The following FHIP1A variants were observed in gnomAD, a reference collection of about 807,000 sequenced individuals.
FHIP1A encodes FHF complex subunit HOOK-interacting protein 1A.
In FHIP1A, 61 loss-of-function variants were observed where a neutral mutation model predicts 88.6. The observed-to-expected ratio is 0.69, with a 90% CI of 0.56 to 0.85. FHIP1A has a LOEUF of 0.85. Among genes scored for constraint, FHIP1A ranks in the 40% least tolerant of loss-of-function variants. The pLI, the probability that FHIP1A is intolerant of heterozygous loss-of-function variation, is 0.00. For missense variants in FHIP1A, 1,154 were observed against 1,273.5 expected (o/e 0.91, Z 1.43); for synonymous variants, 478 against 496.0 (o/e 0.96, Z 0.48).
chr4:151,482,463 A>G (rs932400020), intron 2 of FHIP1A, 61 bp from the exon 3 acceptor site: 8 of 152,204 alleles, frequency 5.3e-5, no homozygotes, highest in African/African-American at 1.9e-4. Flanking sequence ...CGGAGAAAAA[A>G]TAGAGATACT....
chr4:151,600,081 G>T (rs1222687782), intron 7 of FHIP1A, among the ~76,000 whole-genome samples: 1 of 152,178 alleles, frequency 6.6e-6, no homozygotes, highest in East Asian at 1.9e-4. Flanking sequence ...TCTTTGCATT[G>T]TATCATCACT....
chr4:151,430,367 G>T (rs1323824587), intron 1 of FHIP1A, among the ~76,000 whole-genome samples: 1 of 152,328 alleles, frequency 6.6e-6, no homozygotes, highest in East Asian at 1.9e-4. Flanking sequence ...AACAGTCCCT[G>T]TTAGTGTGAA....
intron 3 of FHIP1A, among the ~76,000 whole-genome samples, chr4:151,535,545 A>G (rs945591972): frequency 6.6e-6 from 1 of 152,194 alleles, no homozygotes; most frequent in Non-Finnish European, 1.5e-5. Flanking sequence ...GTGTATATCT[A>G]TGTGCATATG....
chr4:151,446,111 G>A (rs1728591212), intron 1 of FHIP1A, among the ~76,000 whole-genome samples: 1 of 151,866 alleles, frequency 6.6e-6, no homozygotes, highest in African/African-American at 2.4e-5. Context: ...CCAGGATACA[G>A]TATATCAGTG....
intron 1 of FHIP1A, among the ~76,000 whole-genome samples, chr4:151,422,839 G>T (rs1008360653): frequency 2.0e-5 from 3 of 152,210 alleles, no homozygotes; most frequent in Non-Finnish European, 4.4e-5. Context: ...TGAGAAGGCT[G>T]ATCTGAATGA....
intron 7 of FHIP1A, among the ~76,000 whole-genome samples, chr4:151,605,190 C>G (rs1181913004): frequency 6.6e-6 from 1 of 152,160 alleles, no homozygotes. Context: ...GCACCTCAGG[C>G]TCAGTCATAT....
intron 9 of FHIP1A, among the ~76,000 whole-genome samples, chr4:151,643,784 C>T (rs1239472246): frequency 2.0e-5 from 3 of 152,168 alleles, no homozygotes; most frequent in Non-Finnish European, 2.9e-5. Context: ...AATAGACTCC[C>T]CATTTCCAGT....
At chr4:151,631,604 C>T (rs1736160695) in intron 8 of FHIP1A, among the ~76,000 whole-genome samples, 1 of 152,094 alleles carries the variant, frequency 6.6e-6, no homozygotes, top group Non-Finnish European at 1.5e-5. Context: ...GAGAAACCCA[C>T]TTAACAAAAA....
At chr4:151,536,411 C>T (rs1453694891) in intron 3 of FHIP1A, among the ~76,000 whole-genome samples, 3 of 152,106 alleles carry the variant, frequency 2.0e-5, no homozygotes, top group Non-Finnish European at 2.9e-5. Context: ...TATGTGGGTC[C>T]CTTCTATTGC....
Position 151,626,691 on chromosome 4 carries a change from G to A in FHIP1A, c.979-3011G>A, listed in dbSNP as rs143519220. On this transcript the variant is annotated intron_variant, in intron 7 of 13. Transcript: ENST00000435205. ...TCTATTAGTATTTCTATGTAAATTC[G>A]TAGCTACCTGCAATTCTTTATAAAA... Among the ~76,000 whole-genome samples, 36 of 152,220 alleles carry A rather than the reference G, an allele frequency of 2.4e-4. 1 individual carries two copies. Among genetic ancestry groups the A allele is most frequent in the Admixed American group, 1.9e-3 (29 of 15,296 alleles).
At chr4:151,449,834 T>G (rs766430129) in intron 1 of FHIP1A, among the ~76,000 whole-genome samples, 8 of 152,222 alleles carry the variant, frequency 5.3e-5, no homozygotes, top group Non-Finnish European at 1.2e-4. Context: ...CGTATTTTGC[T>G]TTTGATGAAA....
intron 2 of FHIP1A, among the ~76,000 whole-genome samples, chr4:151,475,801 T>C (rs187766412): frequency 6.6e-6 from 1 of 151,656 alleles, no homozygotes; most frequent in Non-Finnish European, 1.5e-5. Context: ...TAAATATAAA[T>C]AGAAAAAAGT....
chr4:151,650,385 C>T lies in FHIP1A; in HGVS notation c.2344C>T (p.Leu782Phe). ...TTACCCCACACCTGATCCCTTGCTT[C>T]TCACTAAGGAGGAAGAAGGGAAGGA... ...QNYPTPDPLL[L>F]TKEEEGKEES... The change falls in exon 11 of 14, where the codon CTC becomes TTC. Residue 782 changes from leucine to phenylalanine, a missense_variant. Transcript: ENST00000435205. 1 of 1,551,674 alleles carries T rather than the reference C, an allele frequency of 6.4e-7. No homozygotes were observed.
intron 7 of FHIP1A, among the ~76,000 whole-genome samples, chr4:151,623,737 G>A (rs1190604785): frequency 1.3e-5 from 2 of 152,072 alleles, no homozygotes; most frequent in Admixed American, 6.5e-5. Context: ...AGGTTATAAA[G>A]GTAATAAATG....
At chr4:151,449,173 A>G (rs949628337) in intron 1 of FHIP1A, among the ~76,000 whole-genome samples, 2 of 152,162 alleles carry the variant, frequency 1.3e-5, no homozygotes, top group Admixed American at 6.5e-5. Flanking sequence ...ATGATTGCAT[A>G]ACTAACTGAA....
intron 3 of FHIP1A, among the ~76,000 whole-genome samples, chr4:151,516,306 T>C (rs1320561597): frequency 1.3e-5 from 2 of 151,664 alleles, no homozygotes; most frequent in East Asian, 1.9e-4. Context: ...TAATTCAAGA[T>C]GGATTAAAGA....
At chr4:151,512,064 C>T (rs1271329978) in intron 3 of FHIP1A, among the ~76,000 whole-genome samples, 2 of 152,196 alleles carry the variant, frequency 1.3e-5, no homozygotes, top group African/African-American at 2.4e-5. Flanking sequence ...ACACCTCACA[C>T]GGCCGGGTAC....
intron 3 of FHIP1A, among the ~76,000 whole-genome samples, chr4:151,490,377 C>T (rs1730239728): frequency 6.6e-6 from 1 of 152,186 alleles, no homozygotes; most frequent in South Asian, 2.1e-4. Context: ...GCCTGGTAGG[C>T]CTACTGGGTG....
chr4:151,594,272 G>T lies in FHIP1A; in HGVS notation c.978+5346G>T, dbSNP rs555905874. 5.3e-5 allele frequency among the ~76,000 whole-genome samples: 8 copies of T among 152,252 alleles called. No homozygotes were observed. In the East Asian group the frequency reaches 1.4e-3, roughly 26 times the overall value. ...TGGCTTCATAAAATGAGTTAGGGAG[G>T]AGTCCCTCTTTTTCTGTTGTTTGGA... On this transcript the variant is annotated intron_variant, in intron 7 of 13. Transcript: ENST00000435205.
Sources: allele counts gnomAD v4.1 joint callset (sites outside exome capture counted in the v4.1 genomes callset), GRCh38; gene constraint gnomAD v4.1.1; transcripts MANE v1.5; gene names NCBI Gene and HGNC (gene_info 2026-07-23, HGNC 2026-07-21).